The following DLC1 variants were observed in gnomAD, a reference collection of about 807,000 sequenced individuals.
The protein encoded by DLC1 is DLC1 Rho GTPase activating protein.
In DLC1, 54 loss-of-function variants were observed where a neutral mutation model predicts 140.3. The observed-to-expected ratio is 0.38, with a 90% CI of 0.31 to 0.48. The LOEUF (loss-of-function observed/expected upper bound fraction) is 0.48, where lower values mean the gene tolerates loss of function less well. DLC1 is among the 20% of genes least tolerant of loss of function. The pLI, the probability that DLC1 is intolerant of heterozygous loss-of-function variation, is 0.96. For synonymous variants in DLC1, 986 were observed against 728.1 expected, an observed-to-expected ratio of 1.35 and a Z score of -5.70; for missense variants, 2,536 against 1,907.0, an observed-to-expected ratio of 1.33 and a Z score of -6.14.
At chr8:13,420,907 G>A (rs911994990) in intron 2 of DLC1, among the ~76,000 whole-genome samples, 1 of 152,060 alleles carries the variant, frequency 6.6e-6, no homozygotes, top group Admixed American at 6.6e-5. Context: ...GCCCCATGTG[G>A]CAGAAAGACC....
intron 1 of DLC1, among the ~76,000 whole-genome samples, chr8:13,547,013 T>C (rs1003234331): frequency 2.0e-5 from 3 of 152,122 alleles, no homozygotes; most frequent in Non-Finnish European, 2.9e-5. Context: ...TAAATGTCTA[T>C]GATATAAAAT....
At chr8:13,247,168 G>C (rs1357703505) in intron 5 of DLC1, among the ~76,000 whole-genome samples, 2 of 152,142 alleles carry the variant, frequency 1.3e-5, no homozygotes, top group African/African-American at 4.8e-5. Flanking sequence ...CTGAAATGAT[G>C]GCAAGAATTC....
intron 5 of DLC1, among the ~76,000 whole-genome samples, chr8:13,156,478 A>C (rs1055686317): frequency 3.3e-5 from 5 of 151,228 alleles, no homozygotes; most frequent in African/African-American, 1.2e-4. Context: ...CCTGATGAAA[A>C]CTCTTCTTTT....
At chr8:13,301,956 G>C (rs1380307367) in intron 5 of DLC1, among the ~76,000 whole-genome samples, 1 of 152,128 alleles carries the variant, frequency 6.6e-6, no homozygotes, top group African/African-American at 2.4e-5. Flanking sequence ...ACTGGTTCCT[G>C]GTGCCAAAAA....
At chr8:13,181,737 T>C (rs1332959109) in intron 5 of DLC1, among the ~76,000 whole-genome samples, 1 of 152,176 alleles carries the variant, frequency 6.6e-6, no homozygotes, top group Non-Finnish European at 1.5e-5. Context: ...AGTCTATCAT[T>C]GATGGACATT....
intron 5 of DLC1, among the ~76,000 whole-genome samples, chr8:13,232,751 A>G (rs1033669941): frequency 1.3e-5 from 2 of 152,232 alleles, no homozygotes; most frequent in African/African-American, 4.8e-5. Flanking sequence ...TGTTTACTTC[A>G]TCAATTCTGG....
intron 1 of DLC1, among the ~76,000 whole-genome samples, chr8:13,539,442 C>T (rs922660090): frequency 3.3e-5 from 5 of 152,076 alleles, no homozygotes; most frequent in East Asian, 1.9e-4. Context: ...CCTCGTGATC[C>T]GTCCACCTCG....
intron 2 of DLC1, among the ~76,000 whole-genome samples, chr8:13,482,390 G>A (rs1457794251): frequency 1.4e-5 from 2 of 147,346 alleles, no homozygotes; most frequent in African/African-American, 2.5e-5. Context: ...TTTGCCATGT[G>A]CATGTATCAT....
chr8:13,244,307 T>C (rs532836929), intron 5 of DLC1, among the ~76,000 whole-genome samples: 1 of 151,678 alleles, frequency 6.6e-6, no homozygotes, highest in East Asian at 1.9e-4. Flanking sequence ...ATTTTTTTTT[T>C]TTTTTTTTGA....
chr8:13,572,074 G>A (rs1311145874), intron 1 of DLC1, among the ~76,000 whole-genome samples: 1 of 137,714 alleles, frequency 7.3e-6, no homozygotes, highest in Non-Finnish European at 1.6e-5. Flanking sequence ...TTGAGTTTCA[G>A]GATTATTATT....
chr8:13,211,551 GAGA>G (rs1827944829), intron 5 of DLC1, among the ~76,000 whole-genome samples: 1 of 152,212 alleles, frequency 6.6e-6, no homozygotes, highest in Non-Finnish European at 1.5e-5. Flanking sequence ...GGGGAAGACA[GAGA>G]AGGAGAGCAA....
chr8:13,184,501 T>C (rs1826231394), intron 5 of DLC1, among the ~76,000 whole-genome samples: 2 of 152,192 alleles, frequency 1.3e-5, no homozygotes, highest in African/African-American at 4.8e-5. Context: ...ACATTGTGTC[T>C]TTGTTCTCAT....
Position 13,499,535 on chromosome 8 carries a change from C to T in DLC1, c.537G>A (p.Gly179=). The change falls in exon 2 of 18, where the codon GGG becomes GGA. Residue 179 remains glycine (G), a synonymous_variant. Coordinates refer to ENST00000276297, the MANE Select transcript of DLC1 (RefSeq NM_182643.3). The part of the protein sequence containing the change: ...ETELALVKES[G]ERKVTDSISK... ...TTATAGAGTCAGTAACTTTTCTCTC[C>T]CCACTTTCTTTTACCAGTGCTAATT... The T allele has an allele frequency of 1.2e-6, 2 of 1,614,068 alleles. No homozygotes were observed. The highest frequency in any genetic ancestry group is 2.2e-5 in the East Asian group (1 of 44,870).
In DLC1 at chr8:13,249,681, C is replaced by T. The variant is rs528443746; in HGVS notation, c.1348+55588G>A. Among the ~76,000 whole-genome samples the T allele has an allele frequency of 2.0e-5, 3 of 152,222 alleles. No individual in the cohort carries two copies. The South Asian group carries it at 6.2e-4, about 32-fold the overall frequency. On this transcript the variant is annotated intron_variant, in intron 5 of 17. Coordinates refer to ENST00000276297, the MANE Select transcript of DLC1 (RefSeq NM_182643.3). The stretch of plus-strand genomic sequence containing the variant: ...CTTCTCTTTTACAGCAACGTTCCCT[C>T]TGCTTAAATACATGCTAAAGTCTCT...
At chr8:13,388,348 CT>C (rs575351847) in intron 4 of DLC1, among the ~76,000 whole-genome samples, 1 of 151,994 alleles carries the variant, frequency 6.6e-6, no homozygotes, top group Non-Finnish European at 1.5e-5. Context: ...ACCTTAGAAG[CT>C]TTTCTGTTTT....
intron 5 of DLC1, among the ~76,000 whole-genome samples, chr8:13,176,574 A>C (rs1825770439): frequency 1.3e-5 from 2 of 152,138 alleles, no homozygotes; most frequent in Admixed American, 6.6e-5. Context: ...GAGAGACTCC[A>C]TCTCAAACAA....
At chr8:13,137,513 A>G (rs184621532) in intron 5 of DLC1, among the ~76,000 whole-genome samples, 102 of 151,976 alleles carry the variant, frequency 6.7e-4, no homozygotes, top group Non-Finnish European at 1.3e-3. Flanking sequence ...GCAGATTTTT[A>G]AAACATGATT....
intron 4 of DLC1, among the ~76,000 whole-genome samples, chr8:13,311,456 C>G (rs539505100): frequency 6.6e-6 from 1 of 152,204 alleles, no homozygotes; most frequent in East Asian, 1.9e-4. Context: ...GTAAGGATTG[C>G]CTTCAAGGAA....
Position 13,091,412 on chromosome 8 carries a change from C to T in DLC1, c.3761G>A (p.Ser1254Asn). ...ATCTTTCTGATCTGGTTTGCCCAAA[C>T]TTTGTTTTCTTTGCATTACCCTAGG... ...SSPRVMQRKQ[S>N]LGKPDQKDLN... is the part of the protein sequence containing the mutation. Residue 1254 changes from serine (S) to asparagine (N), a missense_variant, in exon 14 of 18, where the codon AGT becomes AAT. Transcript: ENST00000276297. 1.2e-6 allele frequency: 2 copies of T among 1,613,992 alleles called. No individual in the cohort carries two copies. Among genetic ancestry groups the T allele is most frequent in the Non-Finnish European group, 1.7e-6 (2 of 1,179,968 alleles).
Sources: allele counts gnomAD v4.1 joint callset (sites outside exome capture counted in the v4.1 genomes callset), GRCh38; gene constraint gnomAD v4.1.1; transcripts MANE v1.5; gene names NCBI Gene and HGNC (gene_info 2026-07-23, HGNC 2026-07-21).